CDK6: variants seen among roughly 807,000 people sequenced by gnomAD.
CDK6 encodes cyclin-dependent kinase 6.
In CDK6, 6 loss-of-function variants were observed where a neutral mutation model predicts 37.1. The observed-to-expected ratio is 0.16, with a 90% CI of 0.09 to 0.32. The LOEUF (loss-of-function observed/expected upper bound fraction) is 0.32, where lower values mean the gene tolerates loss of function less well. CDK6 is among the 10% of genes least tolerant of loss of function. CDK6 has a pLI of 1.00. For synonymous variants in CDK6, 160 were observed against 161.3 expected (o/e 0.99, Z 0.06); for missense variants, 224 against 418.9 (o/e 0.53, Z 4.06).
At chr7:92,658,141 CA>C (rs1796747036) in intron 5 of CDK6, among the ~76,000 whole-genome samples, 1 of 152,150 alleles carries the variant, frequency 6.6e-6, no homozygotes. Context: ...TCCTACCTCC[CA>C]CCTCAAGCTA....
chr7:92,798,161 G>A (rs781487164), intron 2 of CDK6, among the ~76,000 whole-genome samples: 1 of 152,148 alleles, frequency 6.6e-6, no homozygotes, highest in Non-Finnish European at 1.5e-5. Flanking sequence ...TTCATCTGAT[G>A]TAAGACTAAA....
At chr7:92,743,664 T>A (rs889274410) in intron 3 of CDK6, among the ~76,000 whole-genome samples, 1 of 152,296 alleles carries the variant, frequency 6.6e-6, no homozygotes, top group South Asian at 2.1e-4. Context: ...AAGATATCAT[T>A]ACAATGGTTT....
intron 5 of CDK6, among the ~76,000 whole-genome samples, chr7:92,662,866 GA>G (rs1454860791): frequency 3.3e-5 from 5 of 152,186 alleles, no homozygotes; most frequent in African/African-American, 1.2e-4. Context: ...GTGCCCCCAA[GA>G]AGCAGATAGC....
In CDK6 at chr7:92,624,066, C is replaced by G. The variant is rs115849321; in HGVS notation, c.648-980G>C. 2.1e-3 allele frequency among the ~76,000 whole-genome samples: 327 copies of G among 152,244 alleles called. 1 individual carries two copies. The highest frequency in any genetic ancestry group is 7.3e-3 in the African/African-American group (304 of 41,556). ...TTTCTGTGCACAATAAATGAACTCA[C>G]TATATATGGCCATATATGGAGAATC... On this transcript the variant is annotated intron_variant, in intron 5 of 7. Transcript: ENST00000424848.
intron 5 of CDK6, among the ~76,000 whole-genome samples, chr7:92,628,079 T>C (rs552996507): frequency 2.4e-4 from 37 of 152,288 alleles, no homozygotes; most frequent in Non-Finnish European, 4.4e-4. Context: ...TGATAATCTA[T>C]TGTTATGATC....
rs968041842 is a variant in CDK6 at position 92,801,999 on chromosome 7, C to T, written c.234-27168G>A. Among the ~76,000 whole-genome samples the T allele has an allele frequency of 3.6e-5, 5 of 139,986 alleles. No individual in the cohort carries two copies. The South Asian group carries it at 7.6e-4, about 21-fold the overall frequency. 91.8% of individuals were successfully genotyped at this position (139,986 alleles called of 152,430 possible). Reference sequence around the variant, plus strand: ...CTTCCCTTCTCCTTTCCTTCCCCTCCCTCCCTCCCTTCCCTCCTTCCTTTC... The same window carrying T: ...CTTCCCTTCTCCTTTCCTTCCCCTCTCTCCCTCCCTTCCCTCCTTCCTTTC... On this transcript the variant is annotated intron_variant, in intron 2 of 7. Transcript: ENST00000424848.
At chr7:92,811,393 A>G (rs1323443498) in intron 2 of CDK6, among the ~76,000 whole-genome samples, 1 of 152,100 alleles carries the variant, frequency 6.6e-6, no homozygotes, top group Non-Finnish European at 1.5e-5. Flanking sequence ...GAAAATATTT[A>G]CGCCCTCCTT....
At chr7:92,646,449 G>C (rs1796452856) in intron 5 of CDK6, among the ~76,000 whole-genome samples, 1 of 149,486 alleles carries the variant, frequency 6.7e-6, no homozygotes, top group African/African-American at 2.5e-5. Context: ...CCAGGCCAGA[G>C]TGCAGTGGCG....
chr7:92,718,643 C>T (rs960443799), intron 4 of CDK6, among the ~76,000 whole-genome samples: 2 of 152,118 alleles, frequency 1.3e-5, no homozygotes, highest in African/African-American at 4.8e-5. Flanking sequence ...ATTCACAGGG[C>T]CCACATCCAG....
intron 7 of CDK6, among the ~76,000 whole-genome samples, chr7:92,616,047 CTAGCAGG>C (rs1795670547): frequency 6.6e-6 from 1 of 152,116 alleles, no homozygotes; most frequent in Non-Finnish European, 1.5e-5. Flanking sequence ...TGCTGGGTGC[CTAGCAGG>C]TGGCAAGCAC....
rs760795666 is a variant in CDK6 at position 92,613,097 on chromosome 7, CT to C, written c.*2042del. The C allele has an allele frequency of 1.7e-4, 39 of 232,986 alleles. No individual in the cohort carries two copies. Among genetic ancestry groups the C allele is most frequent in the Admixed American group, 5.6e-5 (1 of 17,774 alleles). The allele number at this position is 232,986 out of a possible 1,614,324, so 14.4% of individuals were successfully genotyped here. ...TTGTATGGCCCATCTCCTTTATTAT[CT>C]TGCTCTAGAAAACAATGTTCCTGTT... On this transcript the variant is annotated 3_prime_UTR_variant, in exon 8 of 8. Coordinates refer to ENST00000424848, the MANE Select transcript of CDK6 (RefSeq NM_001145306.2).
intron 5 of CDK6, among the ~76,000 whole-genome samples, chr7:92,637,322 A>G (rs574342760): frequency 1.3e-5 from 2 of 152,184 alleles, no homozygotes; most frequent in Non-Finnish European, 2.9e-5. Context: ...GACCAGTTAG[A>G]CTTCTTGATC....
chr7:92,712,037 A>T (rs1436772771), intron 4 of CDK6, among the ~76,000 whole-genome samples: 2 of 151,700 alleles, frequency 1.3e-5, no homozygotes, highest in Admixed American at 1.3e-4. Context: ...AAATACAAAA[A>T]ATTAGCCTCC....
intron 2 of CDK6, among the ~76,000 whole-genome samples, chr7:92,780,247 C>T (rs1799953324): frequency 6.6e-6 from 1 of 152,196 alleles, no homozygotes; most frequent in African/African-American, 2.4e-5. Context: ...GCTGGGATTA[C>T]AGGCGTGAGC....
chr7:92,729,351 T>C (rs1388472312), intron 3 of CDK6, among the ~76,000 whole-genome samples: 1 of 152,228 alleles, frequency 6.6e-6, no homozygotes, highest in Non-Finnish European at 1.5e-5. Flanking sequence ...ATTAAGGCTC[T>C]TTCAGTTAAA....
At position 92,649,148 on chromosome 7, in the gene CDK6, CCT is replaced by C. The variant is rs373852480; in HGVS notation, c.647+22276_647+22277del. Among the ~76,000 whole-genome samples the C allele has an allele frequency of 2.7e-4, 41 of 152,136 alleles. No individual in the cohort carries two copies. The South Asian group carries it at 8.3e-3, about 31-fold the overall frequency. On this transcript the variant is annotated intron_variant, in intron 5 of 7. Transcript: ENST00000424848. ...ATTAATAATGAGGGCTGTGATAAGC[CCT>C]GAGTCACAGAAACCTTTAAGCTCGT...
At chr7:92,820,864 T>C (rs1427698640) in intron 2 of CDK6, among the ~76,000 whole-genome samples, 1 of 151,906 alleles carries the variant, frequency 6.6e-6, no homozygotes, top group Non-Finnish European at 1.5e-5. Flanking sequence ...ATCTGAGTAC[T>C]GGGAATAGGA....
intron 4 of CDK6, among the ~76,000 whole-genome samples, chr7:92,713,667 TAAAA>T (rs535072218): frequency 3.2e-3 from 216 of 67,210 alleles, no homozygotes; most frequent in African/African-American, 0.01. Context: ...TTAAAAAAAG[TAAAA>T]AAAAAAAAAA....
At chr7:92,728,031 A>C (rs1391433047) in intron 3 of CDK6, among the ~76,000 whole-genome samples, 3 of 152,214 alleles carry the variant, frequency 2.0e-5, no homozygotes, top group African/African-American at 7.2e-5. Context: ...TATAAAGAAT[A>C]AATCTGTTTG....
Sources: gnomAD v4.1 joint callset for allele counts (sites outside exome capture counted in the v4.1 genomes callset) on GRCh38, gnomAD v4.1.1 for gene constraint, MANE v1.5 for transcripts, NCBI Gene and HGNC (gene_info 2026-07-23, HGNC 2026-07-21) for gene names.